Variants in PTPRN2 observed in about 807,000 individuals in gnomAD.
PTPRN2 encodes the protein receptor-type tyrosine-protein phosphatase N2.
In PTPRN2, 74 loss-of-function variants were observed where a neutral mutation model predicts 118.8. The observed-to-expected ratio is 0.62, with a 90% CI of 0.52 to 0.76. The LOEUF is 0.76. PTPRN2 is among the 30% of genes least tolerant of loss of function. PTPRN2 has a pLI of 0.00. For synonymous variants in PTPRN2, 641 were observed against 608.0 expected (o/e 1.05, Z -0.80); for missense variants, 1,481 against 1,394.4 (o/e 1.06, Z -0.99).
At chr7:157,809,307 C>A (rs1805827921) in intron 12 of PTPRN2, among the ~76,000 whole-genome samples, 1 of 148,098 alleles carries the variant, frequency 6.8e-6, no homozygotes, top group Non-Finnish European at 1.5e-5. Context: ...CCACGTAGGC[C>A]CAGGGTTGGA....
intron 22 of PTPRN2, among the ~76,000 whole-genome samples, chr7:157,541,454 G>A (rs568819949): frequency 3.8e-4 from 58 of 152,372 alleles, no homozygotes; most frequent in Middle Eastern, 3.4e-3. Context: ...CAGTGGGCAC[G>A]AGGGACGGGT....
At chr7:158,397,025 A>G (rs566770082) in intron 2 of PTPRN2, among the ~76,000 whole-genome samples, 1 of 152,266 alleles carries the variant, frequency 6.6e-6, no homozygotes, top group Non-Finnish European at 1.5e-5. Flanking sequence ...TCCTCTGTGG[A>G]GACCCAGGCC....
chr7:158,558,902 C>T (rs1827208949), intron 1 of PTPRN2, among the ~76,000 whole-genome samples: 1 of 152,124 alleles, frequency 6.6e-6, no homozygotes, highest in Non-Finnish European at 1.5e-5. Flanking sequence ...TAACACCTCC[C>T]CAGGTCTGAC....
intron 9 of PTPRN2, among the ~76,000 whole-genome samples, chr7:158,133,222 A>G (rs1259473559): frequency 2.0e-5 from 3 of 152,204 alleles, no homozygotes; most frequent in Non-Finnish European, 2.9e-5. Flanking sequence ...AACAGGCAGG[A>G]GGAGTCCGGG....
intron 15 of PTPRN2, among the ~76,000 whole-genome samples, chr7:157,614,351 A>T (rs546907971): frequency 6.6e-6 from 1 of 152,194 alleles, no homozygotes; most frequent in Admixed American, 6.5e-5. Context: ...TTCCCTACAG[A>T]CTTCCACATG....
At chr7:158,079,488 G>C (rs1243300037) in intron 11 of PTPRN2, among the ~76,000 whole-genome samples, 1 of 152,084 alleles carries the variant, frequency 6.6e-6, no homozygotes, top group Non-Finnish European at 1.5e-5. Flanking sequence ...TAAATCAAAG[G>C]TCCTTGTCTG....
intron 12 of PTPRN2, among the ~76,000 whole-genome samples, chr7:157,760,585 A>G (rs1329066017): frequency 1.3e-5 from 2 of 151,632 alleles, no homozygotes; most frequent in African/African-American, 2.4e-5. Context: ...GTGCTCCCCG[A>G]GTCTTCTCCA....
At chr7:158,519,052 A>G (rs186412555) in intron 1 of PTPRN2, among the ~76,000 whole-genome samples, 173 of 152,302 alleles carry the variant, frequency 1.1e-3, no homozygotes, top group Admixed American at 1.9e-3. Context: ...AGCAGTTTGC[A>G]CTGAGCTCCC....
Position 158,136,314 on chromosome 7 carries a change from A to T in PTPRN2, c.1173+341T>A, listed in dbSNP as rs558987761. 1.9e-3 allele frequency among the ~76,000 whole-genome samples: 288 copies of T among 152,372 alleles called. 1 individual carries two copies. Among genetic ancestry groups the T allele is most frequent in the African/African-American group, 6.6e-3 (273 of 41,588 alleles). ...GAACCCCTCAGGAATCCGCACATGC[A>T]GGAGGCATCAAATGTGCAAAGTGGG... On this transcript the variant is annotated intron_variant, in intron 8 of 22. Transcript: ENST00000389418.
chr7:158,118,263 G>T (rs1816886006), intron 9 of PTPRN2, among the ~76,000 whole-genome samples: 1 of 152,072 alleles, frequency 6.6e-6, no homozygotes, highest in African/African-American at 2.4e-5. Context: ...AGCCAAAAAG[G>T]GTGGGTAAAT....
At chr7:157,551,966 C>T (rs1248519975) in intron 21 of PTPRN2, among the ~76,000 whole-genome samples, 7 of 149,824 alleles carry the variant, frequency 4.7e-5, no homozygotes, top group South Asian at 4.3e-4. Context: ...ACAGCCACCA[C>T]GCACCCCACA....
intron 12 of PTPRN2, among the ~76,000 whole-genome samples, chr7:157,754,271 A>ACTCACG (rs1340208942): frequency 1.3e-5 from 2 of 151,852 alleles, no homozygotes; most frequent in African/African-American, 4.8e-5. Context: ...GCTCCTGTGG[A>ACTCACG]CTCACGAGCC....
chr7:157,912,137 A>G (rs1238820357), intron 11 of PTPRN2, among the ~76,000 whole-genome samples: 2 of 152,196 alleles, frequency 1.3e-5, no homozygotes, highest in Non-Finnish European at 2.9e-5. Flanking sequence ...GATTCTATCA[A>G]TTTACACTCC....
Position 158,137,026 on chromosome 7 carries a change from A to T in PTPRN2, c.1133-331T>A, listed in dbSNP as rs528635125. 5.9e-5 allele frequency among the ~76,000 whole-genome samples: 9 copies of T among 152,334 alleles called. No homozygotes were observed. The South Asian group carries it at 1.2e-3, about 21-fold the overall frequency. On this transcript the variant is annotated intron_variant, in intron 7 of 22. Coordinates refer to ENST00000389418, the MANE Select transcript of PTPRN2 (RefSeq NM_002847.5). ...TCGTACCGAGCAGTTCACGTCATGA[A>T]AAAGCAAAGTGAAGCCTTCGCCAAA...
chr7:158,526,406 C>T lies in PTPRN2; in HGVS notation c.113-36621G>A, dbSNP rs550500850. Among the ~76,000 whole-genome samples, 278 of 152,306 alleles carry T rather than the reference C, an allele frequency of 1.8e-3. No individual in the cohort carries two copies. Among genetic ancestry groups the T allele is most frequent in the Admixed American group, 3.9e-3 (60 of 15,298 alleles). On this transcript the variant is annotated intron_variant, in intron 1 of 22. Transcript: ENST00000389418. This position sits in a 1 kb window ranked among gnomAD's most constrained non-coding sequence, Gnocchi z 5.2. ...AACCACCAGCCACTCTGAGCTAGGA[C>T]GGGGCACAGGCAACCACGTTCCCAC...
intron 3 of PTPRN2, among the ~76,000 whole-genome samples, chr7:158,270,394 C>T (rs80003692): frequency 0.015 from 2,270 of 152,246 alleles, 62 homozygotes; most frequent in African/African-American, 0.052. Flanking sequence ...CTTGGCCCCA[C>T]TCCATGTCAC....
intron 1 of PTPRN2, among the ~76,000 whole-genome samples, chr7:158,560,578 A>T (rs1827312521): frequency 6.6e-6 from 1 of 152,282 alleles, no homozygotes; most frequent in South Asian, 2.1e-4. Flanking sequence ...CGCGCGCAGG[A>T]CTGTGCTGGG....
chr7:158,173,735 A>G (rs997122126), intron 5 of PTPRN2, among the ~76,000 whole-genome samples: 2 of 151,876 alleles, frequency 1.3e-5, no homozygotes, highest in African/African-American at 4.9e-5. Context: ...ACGGCCATTC[A>G]TAGACCTACC....
At position 158,457,475 on chromosome 7, in the gene PTPRN2, GCACA is replaced by G. The variant is rs1480819192; in HGVS notation, c.163+32256_163+32259del. Among the ~76,000 whole-genome samples, 97 of 151,922 alleles carry G rather than the reference GCACA, an allele frequency of 6.4e-4. 2 individuals are homozygous for G. Among genetic ancestry groups the G allele is most frequent in the African/African-American group, 9.9e-4 (41 of 41,440 alleles). On this transcript the variant is annotated intron_variant, in intron 2 of 22. Coordinates refer to ENST00000389418, the MANE Select transcript of PTPRN2 (RefSeq NM_002847.5). The stretch of plus-strand genomic sequence containing the variant: ...CACAGCGGATGCGCGGCCCCAGTCA[GCACA>G]CGGTGAGGGGCGTTACCACCAAACC...
Sources: allele counts gnomAD v4.1 joint callset (sites outside exome capture counted in the v4.1 genomes callset), GRCh38; gene constraint gnomAD v4.1.1; non-coding constraint Gnocchi (gnomAD v3.1); transcripts MANE v1.5; gene names NCBI Gene and HGNC (gene_info 2026-07-23, HGNC 2026-07-21).